The following ASPH variants were observed in gnomAD, a reference collection of about 807,000 sequenced individuals.
The protein encoded by ASPH is aspartyl/asparaginyl beta-hydroxylase.
ASPH carries 100 observed loss-of-function variants against 118.4 expected under a neutral mutation model. The ratio of observed to expected loss-of-function variants is 0.84; its 90% confidence interval spans 0.72 to 1.00. ASPH has a LOEUF of 1.00. Ranked by LOEUF, ASPH falls within the 50% of genes least tolerant of loss-of-function variation. ASPH has a pLI of 0.00. For missense variants in ASPH, 920 were observed against 919.5 expected (o/e 1.00, Z -0.01); for synonymous variants, 315 against 325.6 (o/e 0.97, Z 0.35).
In ASPH at chr8:61,617,050, T is replaced by C. The variant is rs140026993; in HGVS notation, c.976+1928A>G. ...AAGTGATTATTACACATCCAACACA[T>C]TGAAGTTATCAGGCAGACAACATGT... is the stretch of plus-strand genomic sequence containing the variant. On this transcript the variant is annotated intron_variant, in intron 14 of 24. Transcript: ENST00000379454. 5.7e-3 allele frequency among the ~76,000 whole-genome samples: 861 copies of C among 152,206 alleles called. 3 individuals carry two copies. The highest frequency in any genetic ancestry group is 9.9e-3 in the Non-Finnish European group (671 of 68,006).
chr8:61,557,535 C>T (rs933438151), intron 18 of ASPH, among the ~76,000 whole-genome samples: 2 of 152,206 alleles, frequency 1.3e-5, no homozygotes, highest in Non-Finnish European at 2.9e-5. Flanking sequence ...GAACCCCCTC[C>T]ATCCCTAGTC....
chr8:61,605,806 T>C (rs557234042), intron 14 of ASPH, among the ~76,000 whole-genome samples: 15 of 152,346 alleles, frequency 9.8e-5, no homozygotes, highest in African/African-American at 3.4e-4. Flanking sequence ...TGTATTTCCA[T>C]GACGCTAGTA....
At chr8:61,581,779 T>C (rs1294346870) in intron 15 of ASPH, among the ~76,000 whole-genome samples, 1 of 152,232 alleles carries the variant, frequency 6.6e-6, no homozygotes, top group Admixed American at 6.5e-5. Context: ...CTTACAATGC[T>C]GTAATAATAA....
At chr8:61,629,828 T>C (rs546497456) in intron 13 of ASPH, among the ~76,000 whole-genome samples, 1 of 152,298 alleles carries the variant, frequency 6.6e-6, no homozygotes, top group South Asian at 2.1e-4. Context: ...TTAAAATCCT[T>C]TGAAAAACGG....
intron 1 of ASPH, among the ~76,000 whole-genome samples, chr8:61,690,588 T>A (rs1832339014): frequency 6.6e-6 from 1 of 152,106 alleles, no homozygotes; most frequent in Non-Finnish European, 1.5e-5. Context: ...TGATCTAACA[T>A]TAGCAGTTCA....
At chr8:61,668,065 C>T (rs1362588832) in intron 3 of ASPH, among the ~76,000 whole-genome samples, 1 of 151,956 alleles carries the variant, frequency 6.6e-6, no homozygotes, top group Non-Finnish European at 1.5e-5. Context: ...GCAGAAAATC[C>T]TTTGATGAAA....
intron 19 of ASPH, among the ~76,000 whole-genome samples, chr8:61,554,970 T>C (rs1827331826): frequency 6.6e-6 from 1 of 152,122 alleles, no homozygotes; most frequent in South Asian, 2.1e-4. Context: ...CACCTTGGTC[T>C]CCAAAAGTGT....
intron 21 of ASPH, among the ~76,000 whole-genome samples, chr8:61,535,961 T>C (rs1446645900): frequency 2.6e-5 from 4 of 151,992 alleles, no homozygotes; most frequent in Non-Finnish European, 5.9e-5. Flanking sequence ...GTGTAATCTC[T>C]CACTGGTCCT....
chr8:61,658,787 C>A (rs1815156971), intron 3 of ASPH: 1 of 152,170 alleles, frequency 6.6e-6, no homozygotes, highest in Non-Finnish European at 1.5e-5. Context: ...CAAAAACACA[C>A]ACACACGGTT....
At chr8:61,542,188 C>A (rs1484435733) in intron 21 of ASPH, among the ~76,000 whole-genome samples, 1 of 152,080 alleles carries the variant, frequency 6.6e-6, no homozygotes, top group African/African-American at 2.4e-5. Context: ...TTAATCTGTA[C>A]TTTTTGATTG....
chr8:61,614,287 C>T (rs184281535), intron 14 of ASPH, among the ~76,000 whole-genome samples: 102 of 152,214 alleles, frequency 6.7e-4, no homozygotes, highest in African/African-American at 2.4e-3. Flanking sequence ...AATACAAATA[C>T]AGTTTTATCT....
chr8:61,546,632 C>T (rs1350105845), intron 21 of ASPH, among the ~76,000 whole-genome samples: 2 of 152,136 alleles, frequency 1.3e-5, no homozygotes, highest in Admixed American at 6.5e-5. Context: ...TAACCAATGG[C>T]AGCCTATTTT....
intron 1 of ASPH, among the ~76,000 whole-genome samples, chr8:61,698,837 C>A (rs1345334592): frequency 2.0e-5 from 3 of 152,230 alleles, no homozygotes; most frequent in Non-Finnish European, 2.9e-5. Context: ...AGATGGCCAA[C>A]AAGCTCTTAC....
At chr8:61,590,467 T>C (rs149144062) in intron 14 of ASPH, among the ~76,000 whole-genome samples, 163 of 152,112 alleles carry the variant, frequency 1.1e-3, no homozygotes, top group African/African-American at 3.8e-3. Context: ...CAAAGGGACA[T>C]AGCATCTGCC....
chr8:61,576,861 G>T lies in ASPH; in HGVS notation c.1063-3C>A, dbSNP rs1221574459. ...TTCACTGCTTCCTCAATTTTTCCCT[G>T]TTAGAAAGACAAAATTACATAAATA... is the stretch of plus-strand genomic sequence containing the variant. On this transcript the variant is annotated splice_polypyrimidine_tract_variant and splice_region_variant and intron_variant, in intron 15 of 24. Coordinates refer to ENST00000379454, the MANE Select transcript of ASPH (RefSeq NM_004318.4). 1.9e-6 allele frequency: 3 copies of T among 1,599,990 alleles called. No homozygotes were observed. The highest frequency in any genetic ancestry group is 1.3e-5 in the African/African-American group (1 of 74,634).
chr8:61,646,021 TA>T (rs1248707746), intron 6 of ASPH, among the ~76,000 whole-genome samples: 2 of 152,056 alleles, frequency 1.3e-5, no homozygotes, highest in Non-Finnish European at 2.9e-5. Context: ...CTTGCCACTA[TA>T]AAAAATTTAA....
At chr8:61,667,453 G>A (rs1366263680) in intron 3 of ASPH, among the ~76,000 whole-genome samples, 2 of 152,068 alleles carry the variant, frequency 1.3e-5, no homozygotes, top group Non-Finnish European at 2.9e-5. Flanking sequence ...TGCAACCTCT[G>A]CCTCCCGGGT....
intron 14 of ASPH, among the ~76,000 whole-genome samples, chr8:61,599,736 T>C (rs1185080826): frequency 6.6e-6 from 1 of 151,536 alleles, no homozygotes; most frequent in Non-Finnish European, 1.5e-5. Context: ...ACAGAAACCC[T>C]GAACAGATCA....
chr8:61,625,179 A>G (rs1032200629), intron 13 of ASPH: 2 of 985,616 alleles, frequency 2.0e-6, no homozygotes, highest in African/African-American at 3.5e-5. Context: ...CTGACAAAGG[A>G]TTATTTTCAA....
Sources: gnomAD v4.1 joint callset for allele counts (sites outside exome capture counted in the v4.1 genomes callset) on GRCh38, gnomAD v4.1.1 for gene constraint, MANE v1.5 for transcripts, NCBI Gene and HGNC (gene_info 2026-07-23, HGNC 2026-07-21) for gene names.